MGAT4A: variants seen among roughly 807,000 people sequenced by gnomAD.
The protein encoded by MGAT4A is alpha-1,3-mannosyl-glycoprotein 4-beta-N-acetylglucosaminyltransferase A, also known as N-acetylglucosaminyltransferase IVa.
Under a neutral mutation model 74.1 loss-of-function variants are expected in MGAT4A, and 33 were observed. That is an observed-to-expected ratio of 0.45 (90% confidence interval 0.34 to 0.60). MGAT4A has a LOEUF of 0.60. MGAT4A is among the 20% of genes least tolerant of loss of function. The pLI, the probability that MGAT4A is intolerant of heterozygous loss-of-function variation, is 0.02. For synonymous variants in MGAT4A, 198 were observed against 210.4 expected, an observed-to-expected ratio of 0.94 and a Z score of 0.51; for missense variants, 479 against 628.3, an observed-to-expected ratio of 0.76 and a Z score of 2.54.
Position 98,625,773 on chromosome 2 carries a change from A to G in MGAT4A, c.1531T>C (p.Phe511Leu). 1 of 1,612,554 alleles carries G rather than the reference A, an allele frequency of 6.2e-7. No homozygotes were observed. The highest frequency in any genetic ancestry group is 8.5e-7 in the Non-Finnish European group (1 of 1,178,854). Residue 511 changes from phenylalanine to leucine, a missense_variant, in exon 15 of 16, where the codon TTT becomes CTT. By Grantham distance (22) the Phe-to-Leu change is conservative (BLOSUM62 0). Around this residue, in one of 3 missense-constraint regions of MGAT4A, gnomAD observed 236 missense variants for 308.2 expected, o/e 0.77. Transcript: ENST00000393487. ...VDPSLNPISA[F>L]RLSVIQNSAV... ...GAATTCTGAATAACTGAAAGTCGAAAGGCTGAAATGGGATTGAGACTTGGA... is the reference window on the plus strand; with the variant it reads ...GAATTCTGAATAACTGAAAGTCGAAGGGCTGAAATGGGATTGAGACTTGGA...
chr2:98,664,230 A>AAG (rs1431603581), intron 4 of MGAT4A, among the ~76,000 whole-genome samples: 3 of 135,524 alleles, frequency 2.2e-5, no homozygotes, highest in Non-Finnish European at 3.1e-5. Context: ...AAAAAAAAAA[A>AAG]AGAGAAAACT....
chr2:98,707,668 G>C (rs537712442), intron 2 of MGAT4A, among the ~76,000 whole-genome samples: 4 of 152,148 alleles, frequency 2.6e-5, no homozygotes, highest in African/African-American at 4.8e-5. Flanking sequence ...AGCTACAAGA[G>C]AACCAAGGTC....
intron 2 of MGAT4A, among the ~76,000 whole-genome samples, chr2:98,681,113 G>A (rs1702052486): frequency 1.3e-5 from 2 of 152,174 alleles, no homozygotes; most frequent in Non-Finnish European, 2.9e-5. Context: ...CTCCCGAGTA[G>A]CTGGGACTAC....
intron 2 of MGAT4A, among the ~76,000 whole-genome samples, chr2:98,709,440 T>C (rs891069899): frequency 6.6e-6 from 1 of 152,134 alleles, no homozygotes; most frequent in Non-Finnish European, 1.5e-5. Flanking sequence ...AGGGAGAATG[T>C]TGCAGAATTA....
Position 98,658,210 on chromosome 2 carries a change from G to T in MGAT4A, c.584+8C>A, listed in dbSNP as rs750309183. 5.2e-6 allele frequency: 8 copies of T among 1,549,022 alleles called. No homozygotes were observed. The highest frequency in any genetic ancestry group is 4.7e-5 in the South Asian group (4 of 85,262). On this transcript the variant is annotated splice_region_variant and intron_variant, in intron 6 of 15. Transcript: ENST00000393487. ...ATATTTGTATGTTTATAATTAAGAA[G>T]AACTTACTCTTTCTCCAGGTTGGCT...
intron 2 of MGAT4A, among the ~76,000 whole-genome samples, chr2:98,683,651 T>C (rs547920961): frequency 1.3e-5 from 2 of 151,752 alleles, no homozygotes; most frequent in African/African-American, 4.8e-5. Context: ...GGGATAGGAG[T>C]CTGAGGGCAG....
chr2:98,637,653 T>C, intron 12 of MGAT4A, among the ~76,000 whole-genome samples: 1 of 152,210 alleles, frequency 6.6e-6, no homozygotes, highest in East Asian at 1.9e-4. Flanking sequence ...TCTAGTTCAG[T>C]TGCATGGTTA....
In MGAT4A at chr2:98,625,449, T is replaced by G. The variant is rs1701129834; in HGVS notation, c.*117A>C. 6.6e-7 allele frequency: 1 copy of G among 1,508,204 alleles called. No individual in the cohort carries two copies. Among genetic ancestry groups the G allele is most frequent in the East Asian group, 2.4e-5 (1 of 41,600 alleles). The allele number at this position is 1,508,204 out of a possible 1,614,324, so 93.4% of individuals were successfully genotyped here. Reference sequence around the variant, plus strand: ...TTTCCAAGTGGAAATGACAATCGTCTTATCTACAGTAGACTTCACAAGAGG... The same window carrying G: ...TTTCCAAGTGGAAATGACAATCGTCGTATCTACAGTAGACTTCACAAGAGG... On this transcript the variant is annotated 3_prime_UTR_variant, in exon 16 of 16. Coordinates refer to ENST00000393487, the MANE Select transcript of MGAT4A (RefSeq NM_012214.3).
In MGAT4A at chr2:98,730,685, C is replaced by T. The variant is rs1274672094; in HGVS notation, c.-236+363G>A. On this transcript the variant is annotated intron_variant, in intron 1 of 15. Coordinates refer to ENST00000393487, the MANE Select transcript of MGAT4A (RefSeq NM_012214.3). ...CCCAAAGTCGCCGAGCCCCGCCACGCCGGGGAGCGCCAGGAACGCACCAGG... is the reference window on the plus strand; with the variant it reads ...CCCAAAGTCGCCGAGCCCCGCCACGTCGGGGAGCGCCAGGAACGCACCAGG... Among the ~76,000 whole-genome samples, 9 of 151,468 alleles carry T rather than the reference C, an allele frequency of 5.9e-5. 1 individual carries two copies. The South Asian group carries it at 1.9e-3, about 31-fold the overall frequency.
At chr2:98,669,065 T>C (rs1701875944) in intron 4 of MGAT4A, among the ~76,000 whole-genome samples, 1 of 152,144 alleles carries the variant, frequency 6.6e-6, no homozygotes, top group Non-Finnish European at 1.5e-5. Flanking sequence ...CTGTGGACTT[T>C]TGAGTTAATG....
chr2:98,640,609 C>G (rs1701392753), intron 10 of MGAT4A, among the ~76,000 whole-genome samples: 1 of 152,020 alleles, frequency 6.6e-6, no homozygotes, highest in Non-Finnish European at 1.5e-5. Context: ...GTCACAAAAA[C>G]AAACAAACAA....
chr2:98,721,721 T>A (rs994477607), intron 2 of MGAT4A, among the ~76,000 whole-genome samples: 1 of 152,120 alleles, frequency 6.6e-6, no homozygotes, highest in South Asian at 2.1e-4. Context: ...AAGCTGATTC[T>A]GTTGAGAGAC....
chr2:98,693,545 A>T (rs1702220884), intron 2 of MGAT4A, among the ~76,000 whole-genome samples: 1 of 152,176 alleles, frequency 6.6e-6, no homozygotes, highest in Admixed American at 6.5e-5. Context: ...ATTTCTATAG[A>T]CAAATTAAAG....
At chr2:98,700,976 GAA>G (rs1575275266) in intron 2 of MGAT4A, among the ~76,000 whole-genome samples, 1 of 151,412 alleles carries the variant, frequency 6.6e-6, no homozygotes, top group African/African-American at 2.4e-5. Context: ...AAAAATTAGT[GAA>G]AAGAGTGACA....
At chr2:98,730,404 C>CT (rs1380675801) in intron 1 of MGAT4A, among the ~76,000 whole-genome samples, 1 of 152,212 alleles carries the variant, frequency 6.6e-6, no homozygotes, top group Non-Finnish European at 1.5e-5. Flanking sequence ...ACGGAGAGAG[C>CT]TGAGGCCTGG....
intron 2 of MGAT4A, among the ~76,000 whole-genome samples, chr2:98,705,860 TGAACCCGG>T (rs984559203): frequency 2.1e-5 from 3 of 145,858 alleles, no homozygotes; most frequent in Non-Finnish European, 4.4e-5. Flanking sequence ...GAGAATGGCG[TGAACCCGG>T]GAAGCGGAGC....
intron 2 of MGAT4A, among the ~76,000 whole-genome samples, chr2:98,705,297 T>C (rs1382796198): frequency 1.3e-5 from 2 of 152,188 alleles, no homozygotes; most frequent in Non-Finnish European, 2.9e-5. Context: ...CATAATGATC[T>C]TAAATGATGG....
At chr2:98,696,582 T>C (rs747197317) in intron 2 of MGAT4A, among the ~76,000 whole-genome samples, 63 of 152,220 alleles carry the variant, frequency 4.1e-4, no homozygotes, top group Non-Finnish European at 7.9e-4. Context: ...CTTAATACAC[T>C]AGAAAGGGGA....
chr2:98,659,427 C>G (rs1701711386), intron 5 of MGAT4A, among the ~76,000 whole-genome samples: 1 of 152,080 alleles, frequency 6.6e-6, no homozygotes, highest in Non-Finnish European at 1.5e-5. Context: ...ACAACCAGGC[C>G]AGGGACATGG....
Sources: allele counts gnomAD v4.1 joint callset (sites outside exome capture counted in the v4.1 genomes callset), GRCh38; gene constraint gnomAD v4.1.1; regional missense constraint gnomAD v4.1.1; transcripts MANE v1.5; gene names NCBI Gene and HGNC (gene_info 2026-07-23, HGNC 2026-07-21).